Variants in DGKB observed in about 807,000 individuals in gnomAD.
DGKB encodes the protein diacylglycerol kinase beta, also known as 90 kDa diacylglycerol kinase.
DGKB carries 67 observed loss-of-function variants against 114.3 expected under a neutral mutation model. That is an observed-to-expected ratio of 0.59 (90% CI 0.48 to 0.72). The LOEUF (loss-of-function observed/expected upper bound fraction) is 0.72, where lower values mean the gene tolerates loss of function less well. Among genes scored for constraint, DGKB ranks in the 30% least tolerant of loss-of-function variants. DGKB has a pLI of 0.00. For missense variants in DGKB, 907 were observed against 975.2 expected (o/e 0.93, Z 0.93); for synonymous variants, 398 against 323.1 (o/e 1.23, Z -2.49).
At chr7:14,911,255 T>C (rs1464133250) in intron 1 of DGKB, among the ~76,000 whole-genome samples, 2 of 152,142 alleles carry the variant, frequency 1.3e-5, no homozygotes, top group Non-Finnish European at 1.5e-5. Context: ...CTACCAAAAT[T>C]ATCACTGTAT....
intron 1 of DGKB, among the ~76,000 whole-genome samples, chr7:14,879,728 A>G (rs1273292927): frequency 1.3e-5 from 2 of 152,190 alleles, no homozygotes; most frequent in African/African-American, 2.4e-5. Flanking sequence ...ATTCTTCTCC[A>G]TGGTAAAATA....
chr7:14,178,051 C>T lies in DGKB; in HGVS notation c.2223G>A (p.Gln741=), dbSNP rs967104004. The change falls in exon 24 of 26, where the codon CAG becomes CAA. Residue 741 remains glutamine (Q), a synonymous_variant. Coordinates refer to ENST00000402815, the MANE Select transcript of DGKB (RefSeq NM_001350709.2). ...ACTACCTGATGACCACGCAGGAGCACTGAGCCAGCCGCCGGCCAGCACTTT... is the reference window on the plus strand; with the variant it reads ...ACTACCTGATGACCACGCAGGAGCATTGAGCCAGCCGCCGGCCAGCACTTT... The part of the protein sequence containing the change: ...GLKSAGRRLA[Q]CSCVVIRTSK... 6 of 1,600,552 alleles carry T rather than the reference C, an allele frequency of 3.7e-6. No homozygotes were observed. The Admixed American group carries it at 5.3e-5, about 14-fold the overall frequency.
chr7:14,467,668 C>T (rs1015284919), intron 21 of DGKB, among the ~76,000 whole-genome samples: 1 of 151,952 alleles, frequency 6.6e-6, no homozygotes, highest in African/African-American at 2.4e-5. Context: ...TATGAGTGAA[C>T]CATTTTTTAA....
At chr7:14,898,074 G>T (rs1782394928) in intron 1 of DGKB, among the ~76,000 whole-genome samples, 1 of 151,932 alleles carries the variant, frequency 6.6e-6, no homozygotes, top group African/African-American at 2.4e-5. Flanking sequence ...AAGTTTCAGT[G>T]GAACCATATA....
chr7:14,328,945 G>A (rs1197890293), intron 23 of DGKB, among the ~76,000 whole-genome samples: 1 of 151,876 alleles, frequency 6.6e-6, no homozygotes, highest in Non-Finnish European at 1.5e-5. Flanking sequence ...ATTAAAAGAA[G>A]AACAATAGAA....
chr7:14,680,676 T>C (rs1465666721), intron 12 of DGKB, among the ~76,000 whole-genome samples: 4 of 152,006 alleles, frequency 2.6e-5, no homozygotes, highest in Admixed American at 6.6e-5. Context: ...AAGAGACCAC[T>C]AGCAATGGTA....
At chr7:14,323,143 AAATT>A (rs1808116485) in intron 23 of DGKB, among the ~76,000 whole-genome samples, 1 of 152,328 alleles carries the variant, frequency 6.6e-6, no homozygotes, top group African/African-American at 2.4e-5. Flanking sequence ...CGTACTCATA[AAATT>A]AATACTATAA....
intron 13 of DGKB, among the ~76,000 whole-genome samples, chr7:14,666,710 G>C (rs1165376543): frequency 6.6e-6 from 1 of 151,714 alleles, no homozygotes; most frequent in African/African-American, 2.4e-5. Flanking sequence ...TTTGTAAACA[G>C]TTTCTGACCT....
At position 14,149,094 on chromosome 7, in the gene DGKB, A is replaced by G; in HGVS notation, c.*37T>C. 6.5e-7 allele frequency: 1 copy of G among 1,549,728 alleles called. No homozygotes were observed. The highest frequency in any genetic ancestry group is 1.4e-5 in the African/African-American group (1 of 73,654). On this transcript the variant is annotated 3_prime_UTR_variant, in exon 26 of 26. Transcript: ENST00000402815. ...AGCATATGTGTTCCATGGCCCAATTATGCTAATTCAATTTCTAAGAGTGAA... is the reference window on the plus strand; with the variant it reads ...AGCATATGTGTTCCATGGCCCAATTGTGCTAATTCAATTTCTAAGAGTGAA...
chr7:14,701,004 A>T (rs1427843665), intron 7 of DGKB, among the ~76,000 whole-genome samples: 1 of 152,172 alleles, frequency 6.6e-6, no homozygotes, highest in African/African-American at 2.4e-5. Context: ...GTGCACTAAG[A>T]CTAAGAACTA....
chr7:14,356,064 T>C (rs1032104035), intron 21 of DGKB, among the ~76,000 whole-genome samples: 2 of 152,210 alleles, frequency 1.3e-5, no homozygotes, highest in African/African-American at 4.8e-5. Flanking sequence ...TTTATTTGCA[T>C]AGAGGTATTT....
chr7:14,785,844 G>T (rs906394551), intron 2 of DGKB, among the ~76,000 whole-genome samples: 1 of 150,480 alleles, frequency 6.6e-6, no homozygotes, highest in African/African-American at 2.4e-5. Context: ...AAATTTATCT[G>T]AATACTATTA....
At chr7:14,937,025 TACACAC>T (rs56176139) in intron 1 of DGKB, among the ~76,000 whole-genome samples, 15,769 of 132,202 alleles carry the variant, frequency 0.12, 1,035 homozygotes, top group Non-Finnish European at 0.16. Context: ...GTCCATTCAC[TACACAC>T]ACACACACAC....
intron 23 of DGKB, among the ~76,000 whole-genome samples, chr7:14,335,468 T>C (rs1184639033): frequency 6.6e-6 from 1 of 152,168 alleles, no homozygotes; most frequent in Non-Finnish European, 1.5e-5. Flanking sequence ...TAGTTGAAAC[T>C]TCTGATAATT....
chr7:14,586,027 G>A (rs1451059061), intron 17 of DGKB, among the ~76,000 whole-genome samples: 1 of 151,986 alleles, frequency 6.6e-6, no homozygotes, highest in Non-Finnish European at 1.5e-5. Flanking sequence ...ACCCTACAAT[G>A]TCCTCTAAGT....
intron 23 of DGKB, among the ~76,000 whole-genome samples, chr7:14,186,504 A>C (rs1016635625): frequency 1.3e-5 from 2 of 152,222 alleles, no homozygotes; most frequent in African/African-American, 4.8e-5. Flanking sequence ...TTGATCTAGC[A>C]GTCCCTCTAC....
intron 23 of DGKB, among the ~76,000 whole-genome samples, chr7:14,225,571 C>CT (rs968097888): frequency 1.3e-5 from 2 of 151,760 alleles, no homozygotes; most frequent in East Asian, 1.9e-4. Flanking sequence ...AATGTTTGTC[C>CT]TTTTTTTATA....
chr7:14,577,774 C>T (rs1799380877), intron 19 of DGKB, among the ~76,000 whole-genome samples: 1 of 152,120 alleles, frequency 6.6e-6, no homozygotes, highest in Non-Finnish European at 1.5e-5. Flanking sequence ...TACATTCTTA[C>T]AGTGTCAACT....
chr7:14,285,743 G>C (rs931470591), intron 23 of DGKB, among the ~76,000 whole-genome samples: 1 of 152,050 alleles, frequency 6.6e-6, no homozygotes, highest in East Asian at 1.9e-4. Context: ...TATGTATGTA[G>C]GAAGATGTTA....
Sources: allele counts gnomAD v4.1 joint callset (sites outside exome capture counted in the v4.1 genomes callset), GRCh38; gene constraint gnomAD v4.1.1; transcripts MANE v1.5; gene names NCBI Gene and HGNC (gene_info 2026-07-23, HGNC 2026-07-21).